The following ZNF385D variants were observed in gnomAD, a reference collection of about 807,000 sequenced individuals.
ZNF385D encodes the protein zinc finger protein 385D.
In ZNF385D, 15 loss-of-function variants were observed where a neutral mutation model predicts 35.8. The ratio of observed to expected loss-of-function variants is 0.42; its 90% CI spans 0.28 to 0.64. The LOEUF (loss-of-function observed/expected upper bound fraction) is 0.64. ZNF385D is among the 30% of genes least tolerant of loss of function. The probability of loss-of-function intolerance (pLI) is 0.23; values close to 1 mark genes in which losing one functional copy is unlikely to be tolerated. For missense variants in ZNF385D, 474 were observed against 494.6 expected (o/e 0.96, Z 0.39); for synonymous variants, 212 against 186.8 (o/e 1.13, Z -1.10).
intron 2 of ZNF385D, among the ~76,000 whole-genome samples, chr3:21,583,959 C>CTTATTTATTTATTTATTTATTTAT (rs56661908): frequency 7.2e-6 from 1 of 138,260 alleles, no homozygotes. Flanking sequence ...TACTTATTTA[C>CTTATTTATTTATTTATTTATTTAT]TTATTTATTT....
chr3:22,330,834 T>C (rs1046276547), intron 2 of ZNF385D, among the ~76,000 whole-genome samples: 1 of 152,238 alleles, frequency 6.6e-6, no homozygotes, highest in Non-Finnish European at 1.5e-5. Flanking sequence ...TTTGCACTCT[T>C]TGTTCCTGTA....
chr3:21,813,413 G>A (rs1217786408), intron 3 of ZNF385D, among the ~76,000 whole-genome samples: 3 of 152,194 alleles, frequency 2.0e-5, no homozygotes, highest in African/African-American at 7.2e-5. Flanking sequence ...CGAGCTAAAG[G>A]AGGATGTCTG....
intron 2 of ZNF385D, among the ~76,000 whole-genome samples, chr3:22,349,296 A>C (rs934591990): frequency 6.6e-6 from 1 of 152,194 alleles, no homozygotes; most frequent in Non-Finnish European, 1.5e-5. Context: ...AGATAATTAC[A>C]GTATGAATTA....
intron 3 of ZNF385D, among the ~76,000 whole-genome samples, chr3:22,063,102 T>A (rs138877671): frequency 7.2e-5 from 11 of 152,272 alleles, no homozygotes; most frequent in East Asian, 1.9e-4. Flanking sequence ...TACAGAGATA[T>A]AAGGTACTTT....
intron 1 of ZNF385D, among the ~76,000 whole-genome samples, chr3:21,693,546 C>T (rs752479769): frequency 6.8e-4 from 103 of 152,298 alleles, no homozygotes; most frequent in Non-Finnish European, 1.0e-3. Flanking sequence ...AAGCTGTGTA[C>T]ACTTGTGCCA....
intron 3 of ZNF385D, among the ~76,000 whole-genome samples, chr3:21,887,961 C>T (rs906360425): frequency 1.3e-5 from 2 of 151,946 alleles, no homozygotes; most frequent in Non-Finnish European, 2.9e-5. Flanking sequence ...TGTAAAATAA[C>T]CTAACTACTT....
chr3:21,918,328 A>G (rs1476142308), intron 3 of ZNF385D, among the ~76,000 whole-genome samples: 2 of 152,228 alleles, frequency 1.3e-5, no homozygotes, highest in East Asian at 1.9e-4. Flanking sequence ...AGAAATGAAC[A>G]ATCCAAGATT....
intron 3 of ZNF385D, among the ~76,000 whole-genome samples, chr3:21,832,698 C>T (rs1695076341): frequency 6.6e-6 from 1 of 152,148 alleles, no homozygotes; most frequent in Admixed American, 6.5e-5. Context: ...ATCCTCAGCA[C>T]TGTTGGGCAT....
At chr3:21,992,124 T>TTA (rs1470807058) in intron 3 of ZNF385D, among the ~76,000 whole-genome samples, 2 of 152,154 alleles carry the variant, frequency 1.3e-5, no homozygotes, top group African/African-American at 2.4e-5. Context: ...AATCAGTACA[T>TTA]TATATTGTTA....
chr3:21,925,352 C>A (rs259520), intron 3 of ZNF385D, among the ~76,000 whole-genome samples: 1 of 152,050 alleles, frequency 6.6e-6, no homozygotes, highest in African/African-American at 2.4e-5. Flanking sequence ...CATGCCTAAC[C>A]AATTTTTAAC....
chr3:21,661,194 T>C (rs1270648618), intron 2 of ZNF385D, among the ~76,000 whole-genome samples: 2 of 152,156 alleles, frequency 1.3e-5, no homozygotes, highest in Non-Finnish European at 2.9e-5. Flanking sequence ...ATCCTTAAAT[T>C]ATTTCCCATT....
chr3:22,228,311 C>T (rs1390512803), intron 2 of ZNF385D, among the ~76,000 whole-genome samples: 1 of 152,160 alleles, frequency 6.6e-6, no homozygotes, highest in Non-Finnish European at 1.5e-5. Flanking sequence ...ATAGCACTGC[C>T]ACCTTATGTG....
At position 21,485,558 on chromosome 3, in the gene ZNF385D, G is replaced by GT. The variant is rs537181586; in HGVS notation, c.439+25302dup. On this transcript the variant is annotated intron_variant, in intron 4 of 7. Coordinates refer to ENST00000281523, the MANE Select transcript of ZNF385D (RefSeq NM_024697.3). Reference sequence around the variant, plus strand: ...TAGGTTAGCTATCATCTTCCTCTATGTTTTTTTAATATAGATAACATCTCT... The same window carrying GT: ...TAGGTTAGCTATCATCTTCCTCTATGTTTTTTTTAATATAGATAACATCTCT... Among the ~76,000 whole-genome samples the GT allele has an allele frequency of 2.8e-4, 42 of 151,956 alleles. No individual in the cohort carries two copies. In the East Asian group the frequency reaches 7.9e-3, roughly 29 times the overall value.
intron 3 of ZNF385D, among the ~76,000 whole-genome samples, chr3:21,526,441 T>C (rs549480399): frequency 6.6e-6 from 1 of 152,288 alleles, no homozygotes; most frequent in Non-Finnish European, 1.5e-5. Context: ...TCAATATTGA[T>C]ACATGCGGCA....
chr3:22,258,978 A>G (rs1700466233), intron 2 of ZNF385D, among the ~76,000 whole-genome samples: 1 of 151,708 alleles, frequency 6.6e-6, no homozygotes, highest in African/African-American at 2.4e-5. Flanking sequence ...TCTTTTGGAT[A>G]ATTACAGATG....
At chr3:22,148,635 G>T (rs942057989) in intron 3 of ZNF385D, among the ~76,000 whole-genome samples, 2 of 152,178 alleles carry the variant, frequency 1.3e-5, no homozygotes, top group Admixed American at 1.3e-4. Context: ...ACTGAGCAAA[G>T]CAGGAATATG....
intron 3 of ZNF385D, among the ~76,000 whole-genome samples, chr3:21,886,367 G>T (rs201051071): frequency 1.6e-5 from 1 of 64,134 alleles, no homozygotes; most frequent in Non-Finnish European, 3.1e-5. Flanking sequence ...TAATGAGGAA[G>T]AAAAAAAAAA....
At chr3:21,728,222 C>CG (rs948719345) in intron 1 of ZNF385D, among the ~76,000 whole-genome samples, 130 of 151,664 alleles carry the variant, frequency 8.6e-4, no homozygotes, top group African/African-American at 3.0e-3. Context: ...CACCATGTCA[C>CG]GTGTATACCT....
At chr3:22,040,567 A>G (rs142008119) in intron 3 of ZNF385D, among the ~76,000 whole-genome samples, 1,627 of 152,310 alleles carry the variant, frequency 0.011, 41 homozygotes, top group African/African-American at 0.037. Flanking sequence ...AATAATGATA[A>G]TCACACATTT....
Sources: allele counts gnomAD v4.1 joint callset (sites outside exome capture counted in the v4.1 genomes callset), GRCh38; gene constraint gnomAD v4.1.1; transcripts MANE v1.5; gene names NCBI Gene and HGNC (gene_info 2026-07-23, HGNC 2026-07-21).